GATAD1: variants seen among roughly 807,000 people sequenced by gnomAD.
The protein encoded by GATAD1 is GATA zinc finger domain containing 1.
GATAD1 carries 12 observed loss-of-function variants against 26.5 expected under a neutral mutation model. The observed-to-expected ratio is 0.45, with a 90% CI of 0.29 to 0.73. The LOEUF is 0.73. GATAD1 is among the 30% of genes least tolerant of loss of function. The pLI, the probability that GATAD1 is intolerant of heterozygous loss-of-function variation, is 0.10. For missense variants in GATAD1, 266 were observed against 342.1 expected (o/e 0.78, Z 1.75); for synonymous variants, 129 against 133.1 (o/e 0.97, Z 0.21).
chr7:92,468,758 G>A, the GATAD1 span: 15 of 712,652 alleles, frequency 2.1e-5, no homozygotes, highest in South Asian at 1.7e-4. Flanking sequence ...GTTGGCCGAC[G>A]ACCGCTCTAA....
At chr7:92,466,446 C>T in the GATAD1 span, among the ~76,000 whole-genome samples, 3 of 152,272 alleles carry the variant, frequency 2.0e-5, no homozygotes, top group South Asian at 6.2e-4. Flanking sequence ...CAGGCATAAG[C>T]CACCACACCC....
chr7:92,476,953 G>A, the GATAD1 span, among the ~76,000 whole-genome samples: 4 of 152,314 alleles, frequency 2.6e-5, no homozygotes, highest in East Asian at 7.7e-4. Context: ...GGGATCAGAG[G>A]AAGTATATTC....
At chr7:92,471,804 G>A in the GATAD1 span, 1 of 152,218 alleles carries the variant, frequency 6.6e-6, no homozygotes, top group Non-Finnish European at 1.5e-5. Flanking sequence ...TCTCTCAGAA[G>A]TTAGGAATTC....
At chr7:92,475,543 C>T in the GATAD1 span, among the ~76,000 whole-genome samples, 4 of 152,060 alleles carry the variant, frequency 2.6e-5, no homozygotes, top group East Asian at 1.9e-4. Context: ...CCTTTACCAG[C>T]GTGCCCAACA....
rs181775246 is a variant in GATAD1, at chr7:92,448,966, C to T, written c.375+89C>T. 1.4e-4 allele frequency: 195 copies of T among 1,370,882 alleles called. 2 individuals are homozygous for T. In the South Asian group the frequency reaches 2.1e-3, roughly 15 times the overall value. 84.9% of individuals were successfully genotyped at this position (1,370,882 alleles called of 1,614,324 possible). On this transcript the variant is annotated intron_variant, in intron 2 of 4. Coordinates refer to ENST00000287957, the MANE Select transcript of GATAD1 (RefSeq NM_021167.5). The stretch of plus-strand genomic sequence containing the variant: ...CATTTCTCACCATTGAACTTGGACT[C>T]TGCCCTTGGTAGCCCTTCCTTAGTA...
chr7:92,484,372 TC>T, the GATAD1 span, among the ~76,000 whole-genome samples: 1 of 151,916 alleles, frequency 6.6e-6, no homozygotes, highest in Non-Finnish European at 1.5e-5. Flanking sequence ...AAAGCAGGCG[TC>T]CCCTGCTTTT....
rs1344376587 is a variant in GATAD1, at chr7:92,458,579, G to C, written c.*2017G>C. On this transcript the variant is annotated 3_prime_UTR_variant, in exon 5 of 5. Coordinates refer to ENST00000287957, the MANE Select transcript of GATAD1 (RefSeq NM_021167.5). ...ACTCACTTGCCTCCTCTTTTGTCCT[G>C]ATTTAACCAGCATTTTTCAACCCTG... 2 of 152,138 alleles carry C rather than the reference G, an allele frequency of 1.3e-5. No individual in the cohort carries two copies. The highest frequency in any genetic ancestry group is 4.8e-5 in the African/African-American group (2 of 41,430). 9.4% of individuals were successfully genotyped at this position (152,138 alleles called of 1,614,324 possible).
chr7:92,476,864 G>A, the GATAD1 span, among the ~76,000 whole-genome samples: 14 of 152,288 alleles, frequency 9.2e-5, no homozygotes, highest in Non-Finnish European at 1.8e-4. Flanking sequence ...AGGACGCAGC[G>A]CAGAGCTTCC....
At chr7:92,453,339 T>C (rs1216131676) in intron 3 of GATAD1, among the ~76,000 whole-genome samples, 2 of 152,230 alleles carry the variant, frequency 1.3e-5, no homozygotes, top group Non-Finnish European at 2.9e-5. Context: ...CATAAAGATT[T>C]GGATCAACCA....
At chr7:92,489,610 G>A in the GATAD1 span, 8 of 1,141,940 alleles carry the variant, frequency 7.0e-6, no homozygotes, top group South Asian at 7.8e-5. Context: ...CTGGTCCCTT[G>A]TTTATAAATA....
At chr7:92,463,707 GC>G (rs1790006905), downstream of GATAD1, among the ~76,000 whole-genome samples, 1 of 149,408 alleles carries the variant, frequency 6.7e-6, no homozygotes, top group Non-Finnish European at 1.5e-5. Context: ...GGTGGCTCAT[GC>G]CTGTAATTTC....
At chr7:92,462,368 T>TAA (rs143310054), downstream of GATAD1, among the ~76,000 whole-genome samples, 83 of 141,188 alleles carry the variant, frequency 5.9e-4, no homozygotes, top group Middle Eastern at 3.7e-3. Flanking sequence ...TCTGATTTTG[T>TAA]AAAAAAAAAA....
At chr7:92,474,630 C>T in the GATAD1 span, 1 of 152,158 alleles carries the variant, frequency 6.6e-6, no homozygotes, top group East Asian at 1.9e-4. Flanking sequence ...GACTGAGATA[C>T]CAGAGATCGC....
chr7:92,466,841 C>T, the GATAD1 span, among the ~76,000 whole-genome samples: 3 of 152,032 alleles, frequency 2.0e-5, no homozygotes, highest in Non-Finnish European at 2.9e-5. Flanking sequence ...AGTGTGGAAA[C>T]AGGAGTTACT....
At chr7:92,491,446 GT>G in the GATAD1 span, 7 of 1,613,832 alleles carry the variant, frequency 4.3e-6, no homozygotes, top group Non-Finnish European at 5.9e-6. Context: ...CACTGCTATG[GT>G]TAAGAAAGAC....
At chr7:92,468,225 G>A in the GATAD1 span, among the ~76,000 whole-genome samples, 6 of 152,174 alleles carry the variant, frequency 3.9e-5, no homozygotes, top group South Asian at 2.1e-4. Context: ...GATTGGGAGC[G>A]GCAATGGGTG....
chr7:92,494,071 C>T, the GATAD1 span: 1 of 508,648 alleles, frequency 2.0e-6, no homozygotes, highest in Non-Finnish European at 3.6e-6. Context: ...CCCCAATCAG[C>T]CAACACAGAA....
chr7:92,469,196 T>A, the GATAD1 span: 2 of 737,808 alleles, frequency 2.7e-6, no homozygotes, highest in Non-Finnish European at 5.0e-6. Context: ...AATAAACAGG[T>A]TCCCCCTCTT....
the GATAD1 span, chr7:92,487,299 A>T: frequency 1.9e-6 from 1 of 537,252 alleles, no homozygotes; most frequent in East Asian, 3.0e-5. Context: ...CTCAATCCTG[A>T]TCATTACATA....
Sources: gnomAD v4.1 joint callset for allele counts (sites outside exome capture counted in the v4.1 genomes callset) on GRCh38, gnomAD v4.1.1 for gene constraint, MANE v1.5 for transcripts, NCBI Gene and HGNC (gene_info 2026-07-23, HGNC 2026-07-21) for gene names.